The following MOB3B variants were observed in gnomAD, a reference collection of about 807,000 sequenced individuals.
The protein encoded by MOB3B is MOB kinase activator 3B, also known as MOB kinase activator-like 2B.
Under a neutral mutation model 18.7 loss-of-function variants are expected in MOB3B, and 7 were observed. The observed-to-expected ratio is 0.37, with a 90% CI of 0.21 to 0.70. MOB3B has a LOEUF of 0.70. Ranked by LOEUF, MOB3B falls within the 30% of genes least tolerant of loss-of-function variation. The pLI is 0.52. For missense variants in MOB3B, 253 were observed against 281.3 expected (o/e 0.90, Z 0.72); for synonymous variants, 111 against 99.9 (o/e 1.11, Z -0.66).
At chr9:27,420,106 T>C (rs566473148) in intron 2 of MOB3B, among the ~76,000 whole-genome samples, 16 of 152,212 alleles carry the variant, frequency 1.1e-4, no homozygotes, top group African/African-American at 3.6e-4. Context: ...CACAATGCAA[T>C]ACCACCTTAC....
intron 1 of MOB3B, among the ~76,000 whole-genome samples, chr9:27,481,671 G>T (rs1454916675): frequency 6.6e-6 from 1 of 151,634 alleles, no homozygotes; most frequent in Non-Finnish European, 1.5e-5. Context: ...GACTACAGGC[G>T]CCCGCCACCA....
At chr9:27,405,708 C>G (rs1821958193) in intron 2 of MOB3B, among the ~76,000 whole-genome samples, 1 of 152,126 alleles carries the variant, frequency 6.6e-6, no homozygotes, top group Non-Finnish European at 1.5e-5. Context: ...TTGATGAACA[C>G]AGATGCAAAA....
chr9:27,347,378 A>G (rs1177429987), intron 3 of MOB3B, among the ~76,000 whole-genome samples: 1 of 152,202 alleles, frequency 6.6e-6, no homozygotes, highest in African/African-American at 2.4e-5. Context: ...GCAGGCTCAC[A>G]CTGAGGACCA....
At chr9:27,425,385 A>AAAC (rs1554648745) in intron 2 of MOB3B, among the ~76,000 whole-genome samples, 25,870 of 145,140 alleles carry the variant, frequency 0.18, 2,630 homozygotes, top group Middle Eastern at 0.25. Context: ...AAAAAAAAAA[A>AAAC]AAAACAAAAC....
intron 2 of MOB3B, among the ~76,000 whole-genome samples, chr9:27,429,034 T>C (rs1462818967): frequency 6.6e-6 from 1 of 152,222 alleles, no homozygotes; most frequent in African/African-American, 2.4e-5. Context: ...CATACATACT[T>C]TAGAAATTCA....
intron 1 of MOB3B, among the ~76,000 whole-genome samples, chr9:27,485,240 A>T (rs1819716428): frequency 6.6e-6 from 1 of 152,230 alleles, no homozygotes; most frequent in African/African-American, 2.4e-5. Flanking sequence ...ATCTTAACAG[A>T]TAAAGAAGCT....
intron 2 of MOB3B, among the ~76,000 whole-genome samples, chr9:27,415,265 T>C (rs1312920460): frequency 6.6e-6 from 1 of 152,176 alleles, no homozygotes; most frequent in African/African-American, 2.4e-5. Context: ...CTCTCAAACA[T>C]AGGTTAAAAG....
chr9:27,434,771 C>T (rs945429030), intron 2 of MOB3B, among the ~76,000 whole-genome samples: 2 of 152,136 alleles, frequency 1.3e-5, no homozygotes, highest in Non-Finnish European at 2.9e-5. Context: ...CTAAACCTCT[C>T]CAATCAACCC....
intron 2 of MOB3B, among the ~76,000 whole-genome samples, chr9:27,388,269 A>C (rs1286997270): frequency 1.3e-5 from 2 of 152,172 alleles, no homozygotes; most frequent in Non-Finnish European, 2.9e-5. Context: ...TGATTTATGT[A>C]GGAGGCTACT....
intron 1 of MOB3B, among the ~76,000 whole-genome samples, chr9:27,465,559 C>T (rs572234432): frequency 7.9e-5 from 12 of 152,328 alleles, no homozygotes; most frequent in Admixed American, 2.6e-4. Flanking sequence ...AAGCAGTGCC[C>T]CAGTAGGGAC....
At chr9:27,511,868 T>C (rs1820151704) in intron 1 of MOB3B, among the ~76,000 whole-genome samples, 1 of 152,190 alleles carries the variant, frequency 6.6e-6, no homozygotes, top group Non-Finnish European at 1.5e-5. Context: ...TCTAAATAGA[T>C]CAGAGATGGG....
chr9:27,378,895 C>T (rs1821532104), intron 2 of MOB3B, among the ~76,000 whole-genome samples: 1 of 152,218 alleles, frequency 6.6e-6, no homozygotes, highest in Admixed American at 6.5e-5. Context: ...CTAACAAGTG[C>T]TAGAGTGGAA....
intron 2 of MOB3B, among the ~76,000 whole-genome samples, chr9:27,426,029 T>C (rs1822324284): frequency 6.6e-6 from 1 of 152,002 alleles, no homozygotes; most frequent in Non-Finnish European, 1.5e-5. Flanking sequence ...GCAGGAGGAG[T>C]TGAATATTTA....
intron 2 of MOB3B, among the ~76,000 whole-genome samples, chr9:27,438,401 G>A (rs1822544951): frequency 6.6e-6 from 1 of 152,128 alleles, no homozygotes; most frequent in Admixed American, 6.6e-5. Context: ...GGTGGTAGGA[G>A]GTCCCCTTCA....
chr9:27,467,206 C>A (rs1819397881), intron 1 of MOB3B, among the ~76,000 whole-genome samples: 1 of 152,182 alleles, frequency 6.6e-6, no homozygotes, highest in South Asian at 2.1e-4. Flanking sequence ...AAGAGGTCTA[C>A]CTTTAGAGCC....
At chr9:27,445,421 A>G (rs1290028690) in intron 2 of MOB3B, among the ~76,000 whole-genome samples, 1 of 149,510 alleles carries the variant, frequency 6.7e-6, no homozygotes, top group Non-Finnish European at 1.5e-5. Flanking sequence ...ACTTTACACT[A>G]TTTCTGGAAA....
chr9:27,457,641 C>A (rs1819200883), intron 1 of MOB3B, among the ~76,000 whole-genome samples: 1 of 152,170 alleles, frequency 6.6e-6, no homozygotes, highest in African/African-American at 2.4e-5. Flanking sequence ...CCTCTTAACC[C>A]CACCCTCTTC....
chr9:27,352,630 C>G (rs1431821032), intron 3 of MOB3B, among the ~76,000 whole-genome samples: 1 of 152,060 alleles, frequency 6.6e-6, no homozygotes, highest in East Asian at 1.9e-4. Context: ...CACTTCCTTC[C>G]CACCTCCCTC....
Position 27,455,435 on chromosome 9 carries a change from T to G in MOB3B, c.116A>C (p.Asn39Thr). The G allele has an allele frequency of 6.2e-7, 1 of 1,614,156 alleles. No individual in the cohort carries two copies. The highest frequency in any genetic ancestry group is 8.5e-7 in the Non-Finnish European group (1 of 1,180,028). Residue 39 changes from asparagine (N) to threonine (T), a missense_variant, in exon 2 of 4, where the codon AAC becomes ACC. Asn to Thr is a moderately conservative substitution (Grantham distance 65, BLOSUM62 0). Transcript: ENST00000262244. ...AGCCGCCTTCAGGTCCACACCCGAG[T>G]TGAGGGATGCCTGAGCCCGTTTGTG... is the stretch of plus-strand genomic sequence containing the variant. ...ELHKRAQASL[N>T]SGVDLKAAVQ...
Sources: gnomAD v4.1 joint callset for allele counts (sites outside exome capture counted in the v4.1 genomes callset) on GRCh38, gnomAD v4.1.1 for gene constraint, MANE v1.5 for transcripts, NCBI Gene and HGNC (gene_info 2026-07-23, HGNC 2026-07-21) for gene names.